Variants in SLC5A12 observed in about 807,000 individuals in gnomAD.
The protein encoded by SLC5A12 is sodium-coupled monocarboxylate transporter 2.
Under a neutral mutation model 72.7 loss-of-function variants are expected in SLC5A12, and 46 were observed. That is an observed-to-expected ratio of 0.63 (90% CI 0.50 to 0.81). The LOEUF (loss-of-function observed/expected upper bound fraction) is 0.81, where lower values mean the gene tolerates loss of function less well. Among genes scored for constraint, SLC5A12 ranks in the 30% least tolerant of loss-of-function variants. The pLI is 0.00. For missense variants in SLC5A12, 683 were observed against 740.7 expected (o/e 0.92, Z 0.90); for synonymous variants, 275 against 264.4 (o/e 1.04, Z -0.39).
rs774662108 is a variant in SLC5A12, at chr11:26,711,335, C to T, written c.429G>A (p.Val143=). The change falls in exon 3 of 15, where the codon GTG becomes GTA. Residue 143 remains valine, a synonymous_variant. Transcript: ENST00000396005. ...VQTILYTGVV[V]YAPALALNQV... ...GATTGAGTGCCAGGGCAGGAGCATA[C>T]ACCACCACTCCTGTGTAGAGAATCT... is the stretch of plus-strand genomic sequence containing the variant. The T allele has an allele frequency of 3.1e-6, 5 of 1,611,750 alleles. No individual in the cohort carries two copies. In the African/African-American group the frequency reaches 6.7e-5, roughly 22 times the overall value.
Position 26,686,530 on chromosome 11 carries a change from C to T in SLC5A12, c.1168G>A (p.Val390Met), listed in dbSNP as rs199962510. The change falls in exon 10 of 15, where the codon GTG (valine) becomes ATG (methionine). Residue 390 changes from valine (V) to methionine (M), a missense_variant. By Grantham distance (21) the Val-to-Met change is conservative. Coordinates refer to ENST00000396005, the MANE Select transcript of SLC5A12 (RefSeq NM_178498.4). ...ISKGLCLLFG[V>M]MCTSMAVAAS... ...GCCACAGCCATAGAGGTACACATCA[C>T]GCCAAATAAGAGACCTGAAAGAAAG... The T allele has an allele frequency of 2.0e-4, 326 of 1,613,696 alleles. 1 individual carries two copies. The highest frequency in any genetic ancestry group is 1.1e-3 in the South Asian group (103 of 91,060).
intron 6 of SLC5A12, 37 bp from the exon 7 acceptor site, chr11:26,698,572 T>C (rs1854884547): frequency 6.2e-7 from 1 of 1,607,856 alleles, no homozygotes; most frequent in Non-Finnish European, 8.5e-7. Context: ...GTAGCCTGTA[T>C]ACCATATCAT....
upstream of SLC5A12, chr11:26,723,195 A>G (rs1319744989): frequency 6.6e-6 from 1 of 152,552 alleles, no homozygotes; most frequent in Non-Finnish European, 1.5e-5. Flanking sequence ...AAAACAAAAA[A>G]CGCTCTAATT....
At position 26,669,189 on chromosome 11, in the gene SLC5A12, T is replaced by TTC. The variant is rs1416729636; in HGVS notation, c.*1911_*1912dup. 7.6e-6 allele frequency: 1 copy of TTC among 131,692 alleles called. No homozygotes were observed. The highest frequency in any genetic ancestry group is 3.0e-5 in the African/African-American group (1 of 33,240). 8.2% of individuals were successfully genotyped at this position (131,692 alleles called of 1,614,324 possible). ...TCTTTTTCTTTCTTTCTTTCTTCTT[T>TTC]TCTTTCTTTCTTTCTTTCTTTCTTT... On this transcript the variant is annotated 3_prime_UTR_variant, in exon 15 of 15. Coordinates refer to ENST00000396005, the MANE Select transcript of SLC5A12 (RefSeq NM_178498.4).
Position 26,710,042 on chromosome 11 carries a change from A to G in SLC5A12, c.458-663T>C, listed in dbSNP as rs1377462350. The stretch of plus-strand genomic sequence containing the variant: ...GCCCCCTACCCACCCACAGGCCTCC[A>G]GTGTGTGCTGTTCCCCTCCCTGTGT... On this transcript the variant is annotated intron_variant, in intron 3 of 14. Coordinates refer to ENST00000396005, the MANE Select transcript of SLC5A12 (RefSeq NM_178498.4). Among the ~76,000 whole-genome samples the G allele has an allele frequency of 2.6e-5, 4 of 151,738 alleles. No individual in the cohort carries two copies. The East Asian group carries it at 7.8e-4, about 29-fold the overall frequency.
chr11:26,681,283 G>T, intron 11 of SLC5A12, 62 bp from the exon 12 acceptor site: 1 of 1,378,884 alleles, frequency 7.3e-7, no homozygotes, highest in Non-Finnish European at 9.7e-7. Context: ...AAAGAATAAT[G>T]AGATGAGGAG....
At chr11:26,687,444 C>A (rs1192904190) in intron 9 of SLC5A12, among the ~76,000 whole-genome samples, 1 of 152,160 alleles carries the variant, frequency 6.6e-6, no homozygotes, top group African/African-American at 2.4e-5. Flanking sequence ...CAGTTCCCAA[C>A]ATGACTATTA....
chr11:26,699,664 C>T (rs183425612), intron 6 of SLC5A12, among the ~76,000 whole-genome samples: 55 of 152,268 alleles, frequency 3.6e-4, no homozygotes, highest in African/African-American at 1.3e-3. Flanking sequence ...TGTACTCTTG[C>T]TGTCTCCAAC....
chr11:26,668,743 T>A lies in SLC5A12; in HGVS notation c.*2359A>T, dbSNP rs1854057248. The A allele has an allele frequency of 1.3e-5, 2 of 152,032 alleles. No homozygotes were observed. Among genetic ancestry groups the A allele is most frequent in the African/African-American group, 2.4e-5 (1 of 41,414 alleles). 9.4% of individuals were successfully genotyped at this position (152,032 alleles called of 1,614,324 possible). A position where few individuals can be genotyped will look rare whatever the true frequency, so the allele number is the denominator to read the frequency against. ...CTCTACATTGACCTCTAAAATCTCTTGAAATGTCATCTCCTAATGCCATAA... is the reference window on the plus strand; with the variant it reads ...CTCTACATTGACCTCTAAAATCTCTAGAAATGTCATCTCCTAATGCCATAA... On this transcript the variant is annotated 3_prime_UTR_variant, in exon 15 of 15. Coordinates refer to ENST00000396005, the MANE Select transcript of SLC5A12 (RefSeq NM_178498.4).
At chr11:26,682,244 CTTT>C (rs991907679) in intron 11 of SLC5A12, among the ~76,000 whole-genome samples, 6 of 152,094 alleles carry the variant, frequency 3.9e-5, no homozygotes, top group Admixed American at 3.3e-4. Flanking sequence ...TATTATTCTT[CTTT>C]TGACTTTTTT....
At chr11:26,709,863 G>T (rs923188811) in intron 3 of SLC5A12, among the ~76,000 whole-genome samples, 2 of 151,592 alleles carry the variant, frequency 1.3e-5, no homozygotes, top group African/African-American at 4.9e-5. Context: ...AACAAAAATT[G>T]AGTTTTAATA....
chr11:26,705,720 G>A (rs1462407534), intron 4 of SLC5A12, among the ~76,000 whole-genome samples: 1 of 152,050 alleles, frequency 6.6e-6, no homozygotes, highest in Non-Finnish European at 1.5e-5. Context: ...CTCAATGTAA[G>A]ATTTTAGTGC....
At chr11:26,715,005 A>T (rs1350859799) in intron 1 of SLC5A12, among the ~76,000 whole-genome samples, 1 of 122,858 alleles carries the variant, frequency 8.1e-6, no homozygotes, top group Non-Finnish European at 1.8e-5. Flanking sequence ...CAGCAGTCAC[A>T]AATATCATAA....
chr11:26,668,371 T>C lies in SLC5A12; in HGVS notation c.*2731A>G, dbSNP rs1378249682. 1 of 152,058 alleles carries C rather than the reference T, an allele frequency of 6.6e-6. No individual in the cohort carries two copies. Among genetic ancestry groups the C allele is most frequent in the African/African-American group, 2.4e-5 (1 of 41,426 alleles). 9.4% of individuals were successfully genotyped at this position (152,058 alleles called of 1,614,324 possible). ...AGGCCCCTCTAAAACTCATCATTCCTAGTGCCATTTATTGAGAATGTCTCT... is the reference window on the plus strand; with the variant it reads ...AGGCCCCTCTAAAACTCATCATTCCCAGTGCCATTTATTGAGAATGTCTCT... On this transcript the variant is annotated 3_prime_UTR_variant, in exon 15 of 15. Coordinates refer to ENST00000396005, the MANE Select transcript of SLC5A12 (RefSeq NM_178498.4).
rs116426750 is a variant in SLC5A12 at position 26,720,568 on chromosome 11, A to T, written c.339+808T>A. On this transcript the variant is annotated intron_variant, in intron 1 of 14. Coordinates refer to ENST00000396005, the MANE Select transcript of SLC5A12 (RefSeq NM_178498.4). Reference sequence around the variant, plus strand: ...TTATACTCATATAGCTTACATATTTAAAAAAAAATAGGTCTCTTTTCAGTC... The same window carrying T: ...TTATACTCATATAGCTTACATATTTTAAAAAAAATAGGTCTCTTTTCAGTC... 8.7e-3 allele frequency among the ~76,000 whole-genome samples: 1,314 copies of T among 150,842 alleles called. 13 individuals carry two copies. Among genetic ancestry groups the T allele is most frequent in the African/African-American group, 0.03 (1,230 of 41,160 alleles).
intron 9 of SLC5A12, chr11:26,692,264 G>C (rs1484525836): frequency 5.9e-6 from 3 of 511,538 alleles, no homozygotes; most frequent in Admixed American, 3.2e-5. Context: ...GGTAAGTATA[G>C]AAGAGTATCT....
intron 13 of SLC5A12, among the ~76,000 whole-genome samples, chr11:26,676,121 CTCA>C (rs1355979446): frequency 6.6e-6 from 1 of 152,128 alleles, no homozygotes; most frequent in Non-Finnish European, 1.5e-5. Flanking sequence ...TGATCTGTCT[CTCA>C]TCGTTATACA....
rs187368072 is a variant in SLC5A12, at chr11:26,670,799, C to T, written c.*303G>A. ...ACCTGAAGTTTAATATGACACCAAG[C>T]AAAAAGACTTCGCTTTCTTGAATGG... is the stretch of plus-strand genomic sequence containing the variant. On this transcript the variant is annotated 3_prime_UTR_variant, in exon 15 of 15. Coordinates refer to ENST00000396005, the MANE Select transcript of SLC5A12 (RefSeq NM_178498.4). 3.1e-5 allele frequency: 7 copies of T among 223,758 alleles called. No individual in the cohort carries two copies. The Admixed American group carries it at 3.4e-4, about 11-fold the overall frequency. 13.9% of individuals were successfully genotyped at this position (223,758 alleles called of 1,614,324 possible). A position where few individuals can be genotyped will look rare whatever the true frequency, so the allele number is the denominator to read the frequency against.
intron 1 of SLC5A12, among the ~76,000 whole-genome samples, chr11:26,714,348 C>G (rs1011066770): frequency 6.6e-6 from 1 of 151,964 alleles, no homozygotes; most frequent in Non-Finnish European, 1.5e-5. Context: ...TAGTCCATAC[C>G]ATAGAGGATC....
Sources: gnomAD v4.1 joint callset for allele counts (sites outside exome capture counted in the v4.1 genomes callset) on GRCh38, gnomAD v4.1.1 for gene constraint, MANE v1.5 for transcripts, NCBI Gene and HGNC (gene_info 2026-07-23, HGNC 2026-07-21) for gene names.